Variants in GPC5 observed in about 807,000 individuals in gnomAD.
The protein encoded by GPC5 is glypican-5.
A neutral mutation model predicts 53.9 loss-of-function variants in GPC5; 47 were observed. The observed-to-expected ratio is 0.87, with a 90% CI of 0.69 to 1.11. The LOEUF (loss-of-function observed/expected upper bound fraction) is 1.11. Among genes scored for constraint, GPC5 ranks in the 50% most tolerant of loss-of-function variants. GPC5 has a pLI of 0.00. For missense variants in GPC5, 748 were observed against 713.1 expected (o/e 1.05, Z -0.56); for synonymous variants, 286 against 263.3 (o/e 1.09, Z -0.84).
intron 7 of GPC5, among the ~76,000 whole-genome samples, chr13:92,226,807 C>A (rs1566493546): frequency 6.9e-6 from 1 of 145,780 alleles, no homozygotes. Flanking sequence ...ACTATGTTGG[C>A]CAGGCTGGTC....
Position 91,398,755 on chromosome 13 carries a change from C to A in GPC5, c.-292C>A. On this transcript the variant is annotated 5_prime_UTR_variant, in exon 1 of 8. It adds an upstream start codon to the 5' untranslated region. Coordinates refer to ENST00000377067, the MANE Select transcript of GPC5 (RefSeq NM_004466.6). ...GCCAGAGCGGATGCTTGCGGGCTCC[C>A]TGCGGCTCCACTAGTTTTCTTCGCC... The A allele has an allele frequency of 2.7e-6, 1 of 373,846 alleles. No individual in the cohort carries two copies. Among genetic ancestry groups the A allele is most frequent in the Non-Finnish European group, 4.8e-6 (1 of 208,546 alleles). 23.2% of individuals were successfully genotyped at this position (373,846 alleles called of 1,614,324 possible).
At chr13:91,649,200 A>G (rs1187372896) in intron 2 of GPC5, among the ~76,000 whole-genome samples, 1 of 152,164 alleles carries the variant, frequency 6.6e-6, no homozygotes, top group Non-Finnish European at 1.5e-5. Context: ...CTGTGAATCA[A>G]CTAAACCCCT....
At chr13:92,751,322 A>AAAAAAAC (rs1889390396) in intron 7 of GPC5, among the ~76,000 whole-genome samples, 3 of 148,308 alleles carry the variant, frequency 2.0e-5, no homozygotes, top group African/African-American at 7.5e-5. Flanking sequence ...AAAAAAAAAA[A>AAAAAAAC]AAAAAAAAAA....
intron 7 of GPC5, among the ~76,000 whole-genome samples, chr13:92,850,384 G>T (rs1395018297): frequency 6.6e-6 from 1 of 152,136 alleles, no homozygotes; most frequent in Non-Finnish European, 1.5e-5. Flanking sequence ...CGAATGACTT[G>T]AGGTCAGGAG....
intron 3 of GPC5, among the ~76,000 whole-genome samples, chr13:91,715,953 A>G (rs563192169): frequency 1.3e-5 from 2 of 152,078 alleles, no homozygotes; most frequent in African/African-American, 4.8e-5. Flanking sequence ...TTTAAAAAAT[A>G]CTTTTTGTAG....
intron 6 of GPC5, among the ~76,000 whole-genome samples, chr13:92,068,254 A>T (rs541604618): frequency 5.9e-5 from 9 of 151,930 alleles, no homozygotes; most frequent in Non-Finnish European, 1.2e-4. Context: ...AAAACTTTCC[A>T]GTTAATTTTA....
intron 7 of GPC5, among the ~76,000 whole-genome samples, chr13:92,544,036 C>T (rs920807570): frequency 9.9e-5 from 15 of 151,572 alleles, no homozygotes; most frequent in Non-Finnish European, 1.8e-4. Flanking sequence ...AATAGAAGTA[C>T]CCTTGATATA....
chr13:92,308,989 A>C (rs966621629), intron 7 of GPC5, among the ~76,000 whole-genome samples: 5 of 152,044 alleles, frequency 3.3e-5, no homozygotes, highest in Non-Finnish European at 7.4e-5. Context: ...TCATTCTCTC[A>C]TCTTTTGAGA....
At chr13:92,534,275 G>A (rs1201609238) in intron 7 of GPC5, among the ~76,000 whole-genome samples, 1 of 152,084 alleles carries the variant, frequency 6.6e-6, no homozygotes, top group African/African-American at 2.4e-5. Context: ...GTGCAACTCT[G>A]TCTCCAATAA....
At chr13:92,632,673 A>G (rs994030683) in intron 7 of GPC5, among the ~76,000 whole-genome samples, 40 of 152,064 alleles carry the variant, frequency 2.6e-4, no homozygotes, top group Admixed American at 1.4e-3. Context: ...TGTTTTTCAA[A>G]TATATCTGTG....
intron 6 of GPC5, among the ~76,000 whole-genome samples, chr13:91,917,737 C>A (rs1040971113): frequency 7.9e-5 from 12 of 152,198 alleles, no homozygotes; most frequent in African/African-American, 2.9e-4. Flanking sequence ...CACCTTTACT[C>A]CAGTTCCCAA....
At chr13:92,334,908 A>C (rs1393183630) in intron 7 of GPC5, among the ~76,000 whole-genome samples, 1 of 152,082 alleles carries the variant, frequency 6.6e-6, no homozygotes. Context: ...TGCAGGGTAC[A>C]CTGCTTCTGT....
chr13:92,812,541 T>C (rs1040411329), intron 7 of GPC5, among the ~76,000 whole-genome samples: 3 of 151,904 alleles, frequency 2.0e-5, no homozygotes, highest in African/African-American at 7.3e-5. Context: ...TTCTTGAATA[T>C]GAAAGAGGGC....
chr13:91,491,126 A>G (rs1452494678), intron 2 of GPC5, among the ~76,000 whole-genome samples: 2 of 152,168 alleles, frequency 1.3e-5, no homozygotes, highest in Non-Finnish European at 2.9e-5. Context: ...ATAGCTTACC[A>G]TGATCTCTTC....
At chr13:91,584,993 T>C (rs2139114365) in intron 2 of GPC5, among the ~76,000 whole-genome samples, 1 of 152,276 alleles carries the variant, frequency 6.6e-6, no homozygotes, top group Non-Finnish European at 1.5e-5. Context: ...AAGACATCCC[T>C]ATAAATCAAT....
At chr13:92,221,439 G>T (rs565979640) in intron 7 of GPC5, among the ~76,000 whole-genome samples, 52 of 152,044 alleles carry the variant, frequency 3.4e-4, no homozygotes, top group Non-Finnish European at 7.2e-4. Context: ...ATTAGTTTGG[G>T]CTCTGGCATA....
In GPC5 at chr13:92,517,682, G is replaced by A. The variant is rs570265199; in HGVS notation, c.1562-348600G>A. Among the ~76,000 whole-genome samples, 758 of 152,214 alleles carry A rather than the reference G, an allele frequency of 5.0e-3. 3 individuals carry two copies. Among genetic ancestry groups the A allele is most frequent in the Non-Finnish European group, 6.6e-3 (446 of 68,004 alleles). On this transcript the variant is annotated intron_variant, in intron 7 of 7. Transcript: ENST00000377067. The stretch of plus-strand genomic sequence containing the variant: ...ATCCACACCAAAACCCCATCTGTAC[G>A]TCACCATCATCAAAGACCAAAGGTA...
At chr13:92,278,053 C>A (rs2042888319) in intron 7 of GPC5, among the ~76,000 whole-genome samples, 1 of 151,766 alleles carries the variant, frequency 6.6e-6, no homozygotes, top group Admixed American at 6.6e-5. Flanking sequence ...CTGGAGTTAA[C>A]CAAAGATCCT....
intron 7 of GPC5, among the ~76,000 whole-genome samples, chr13:92,791,254 T>C (rs1394676933): frequency 6.6e-6 from 1 of 152,144 alleles, no homozygotes. Context: ...ATAATTTTTG[T>C]ATCAATGTCA....
Sources: gnomAD v4.1 joint callset for allele counts (sites outside exome capture counted in the v4.1 genomes callset) on GRCh38, gnomAD v4.1.1 for gene constraint, MANE v1.5 for transcripts, NCBI Gene and HGNC (gene_info 2026-07-23, HGNC 2026-07-21) for gene names.